Variants in SLC5A4 observed in about 807,000 individuals in gnomAD.
SLC5A4 encodes the protein solute carrier family 5 member 4.
A neutral mutation model predicts 70.3 loss-of-function variants in SLC5A4; 55 were observed. That is an observed-to-expected ratio of 0.78 (90% CI 0.63 to 0.98). SLC5A4 has a LOEUF of 0.98. Among genes scored for constraint, SLC5A4 ranks in the 50% least tolerant of loss-of-function variants. SLC5A4 has a pLI of 0.00. For synonymous variants in SLC5A4, 268 were observed against 305.7 expected, an observed-to-expected ratio of 0.88 and a Z score of 1.29; for missense variants, 735 against 839.2, an observed-to-expected ratio of 0.88 and a Z score of 1.53.
At chr22:32,242,005 T>G (rs1445540669) in intron 5 of SLC5A4, among the ~76,000 whole-genome samples, 2 of 152,014 alleles carry the variant, frequency 1.3e-5, no homozygotes, top group Non-Finnish European at 2.9e-5. Context: ...ATTGGAGATA[T>G]TAGTGTGAAC....
the SLC5A4 span, among the ~76,000 whole-genome samples, chr22:32,344,566 C>A: frequency 1.3e-5 from 2 of 152,020 alleles, no homozygotes; most frequent in Admixed American, 6.6e-5. Flanking sequence ...AAATATCCTG[C>A]AAAAATATAT....
At chr22:32,272,530 C>T in the SLC5A4 span, 1 of 670,516 alleles carries the variant, frequency 1.5e-6, no homozygotes, top group South Asian at 1.7e-5. Context: ...AGACGCTGAG[C>T]CTCGTCATGT....
chr22:32,342,306 C>T, the SLC5A4 span, among the ~76,000 whole-genome samples: 4 of 152,100 alleles, frequency 2.6e-5, no homozygotes, highest in Non-Finnish European at 5.9e-5. Context: ...CACCAAGTAA[C>T]ATTGTAGAAG....
At chr22:32,221,104 T>G (rs572524721) in intron 13 of SLC5A4, 82 bp from the exon 14 acceptor site, 1 of 929,214 alleles carries the variant, frequency 1.1e-6, no homozygotes, top group Non-Finnish European at 1.7e-6. Context: ...TTGTTTATCG[T>G]CTGGTGTTTT....
chr22:32,327,644 T>C, the SLC5A4 span, among the ~76,000 whole-genome samples: 1 of 152,192 alleles, frequency 6.6e-6, no homozygotes, highest in Non-Finnish European at 1.5e-5. Context: ...GCTGAATAAA[T>C]GACAGAGAGC....
the SLC5A4 span, among the ~76,000 whole-genome samples, chr22:32,320,343 G>T: frequency 6.6e-6 from 1 of 152,176 alleles, no homozygotes; most frequent in Non-Finnish European, 1.5e-5. Context: ...CACATCCTCT[G>T]ACCCAGCAGT....
upstream of SLC5A4, among the ~76,000 whole-genome samples, chr22:32,256,229 G>A (rs1467427586): frequency 2.6e-5 from 4 of 152,042 alleles, no homozygotes; most frequent in Non-Finnish European, 4.4e-5. Context: ...GATCACCTGT[G>A]ACTGGGAGGT....
chr22:32,286,967 G>C, the SLC5A4 span, among the ~76,000 whole-genome samples: 1 of 152,156 alleles, frequency 6.6e-6, no homozygotes, highest in African/African-American at 2.4e-5. Flanking sequence ...AGATTAAAAA[G>C]ATCCAGATAG....
At chr22:32,270,821 C>T in the SLC5A4 span, 3 of 587,172 alleles carry the variant, frequency 5.1e-6, no homozygotes, top group Admixed American at 4.4e-5. Context: ...CTGAAAAGCA[C>T]ACTCCTATAG....
At position 32,239,564 on chromosome 22, in the gene SLC5A4, ATATATTTATATATATATT is replaced by A. The variant is rs1569374952; in HGVS notation, c.478-492_478-475del. 9.5e-4 allele frequency among the ~76,000 whole-genome samples: 19 copies of A among 20,096 alleles called. 1 individual carries two copies. Among genetic ancestry groups the A allele is most frequent in the African/African-American group, 5.8e-3 (17 of 2,940 alleles). 13.2% of individuals were successfully genotyped at this position (20,096 alleles called of 152,430 possible). ...TATATATATATATATATATATATAT[ATATATTTATATATATATT>A]TATATATATATAAATTATATAAAAT... On this transcript the variant is annotated intron_variant, in intron 5 of 14. Transcript: ENST00000266086.
the SLC5A4 span, among the ~76,000 whole-genome samples, chr22:32,305,307 C>G: frequency 6.7e-6 from 1 of 150,228 alleles, no homozygotes; most frequent in Non-Finnish European, 1.5e-5. Context: ...TGCTCCCGGG[C>G]TTGTAGTCTC....
At chr22:32,288,334 G>A in the SLC5A4 span, among the ~76,000 whole-genome samples, 67 of 152,254 alleles carry the variant, frequency 4.4e-4, 1 homozygote, top group South Asian at 0.013. Context: ...CAAATGAAAT[G>A]TGAGTGGAAA....
the SLC5A4 span, among the ~76,000 whole-genome samples, chr22:32,305,232 A>G: frequency 4.5e-4 from 69 of 151,916 alleles, no homozygotes; most frequent in Non-Finnish European, 7.2e-4. Context: ...TATGGGTTTC[A>G]GATGTGATTT....
the SLC5A4 span, among the ~76,000 whole-genome samples, chr22:32,318,099 GTCC>G: frequency 6.6e-6 from 1 of 151,714 alleles, no homozygotes; most frequent in Non-Finnish European, 1.5e-5. Context: ...CCCTCTCCTG[GTCC>G]TCCTCCTCCT....
At chr22:32,247,877 T>A (rs1322507968) in intron 4 of SLC5A4, among the ~76,000 whole-genome samples, 1 of 152,232 alleles carries the variant, frequency 6.6e-6, no homozygotes, top group Admixed American at 6.5e-5. Flanking sequence ...ATCCATCATT[T>A]GCCTCTGATC....
chr22:32,248,121 T>A (rs1926936733), intron 4 of SLC5A4, among the ~76,000 whole-genome samples: 2 of 152,226 alleles, frequency 1.3e-5, no homozygotes, highest in Admixed American at 6.5e-5. Flanking sequence ...TTTTGTCTTC[T>A]GTATATTTCT....
chr22:32,321,439 G>A, the SLC5A4 span, among the ~76,000 whole-genome samples: 10 of 151,238 alleles, frequency 6.6e-5, no homozygotes, highest in Middle Eastern at 3.4e-3. Context: ...ATGGCAGAGC[G>A]AGACTCTGTC....
upstream of SLC5A4, among the ~76,000 whole-genome samples, chr22:32,257,851 A>C (rs1273554089): frequency 6.7e-6 from 1 of 149,524 alleles, no homozygotes; most frequent in Non-Finnish European, 1.5e-5. Context: ...TTTTTAGCAG[A>C]GATGGATGGG....
chr22:32,329,515 G>C, the SLC5A4 span, among the ~76,000 whole-genome samples: 1 of 134,462 alleles, frequency 7.4e-6, no homozygotes, highest in East Asian at 4.3e-4. Flanking sequence ...GTGGGGGTGT[G>C]TGTGTGTTTC....
Sources: gnomAD v4.1 joint callset for allele counts (sites outside exome capture counted in the v4.1 genomes callset) on GRCh38, gnomAD v4.1.1 for gene constraint, MANE v1.5 for transcripts, NCBI Gene and HGNC (gene_info 2026-07-23, HGNC 2026-07-21) for gene names.